The following CRYL1 variants were observed in gnomAD, a reference collection of about 807,000 sequenced individuals.
CRYL1 encodes the protein crystallin lambda 1.
A neutral mutation model predicts 36.6 loss-of-function variants in CRYL1; 29 were observed. The ratio of observed to expected loss-of-function variants is 0.79; its 90% CI spans 0.59 to 1.08. CRYL1 has a LOEUF of 1.08. Ranked by LOEUF, CRYL1 falls within the 50% of genes least tolerant of loss-of-function variation. The pLI, the probability that CRYL1 is intolerant of heterozygous loss-of-function variation, is 0.00. For missense variants in CRYL1, 411 were observed against 407.9 expected (o/e 1.01, Z -0.06); for synonymous variants, 152 against 151.5 (o/e 1.00, Z -0.02).
chr13:20,506,451 T>C (rs1350849706), intron 2 of CRYL1, among the ~76,000 whole-genome samples: 1 of 152,040 alleles, frequency 6.6e-6, no homozygotes, highest in Non-Finnish European at 1.5e-5. Flanking sequence ...AAAAGTTAAA[T>C]CTAATCAGGC....
chr13:20,450,318 C>T (rs1245159547), intron 3 of CRYL1, among the ~76,000 whole-genome samples: 1 of 152,008 alleles, frequency 6.6e-6, no homozygotes, highest in Non-Finnish European at 1.5e-5. Flanking sequence ...TCAACAAAGT[C>T]AACAAAAATA....
intron 5 of CRYL1, chr13:20,418,768 C>T (rs2137372994): frequency 1.3e-5 from 2 of 152,324 alleles, no homozygotes; most frequent in East Asian, 3.9e-4. Context: ...AACTTTACTA[C>T]TACTATCACC....
At chr13:20,417,512 T>C (rs897427005) in intron 5 of CRYL1, among the ~76,000 whole-genome samples, 1 of 152,222 alleles carries the variant, frequency 6.6e-6, no homozygotes, top group African/African-American at 2.4e-5. Context: ...GGTAAAATTC[T>C]CAAGTCACAC....
At chr13:20,474,587 AT>A (rs11322515) in intron 3 of CRYL1, among the ~76,000 whole-genome samples, 80,714 of 151,938 alleles carry the variant, frequency 0.53, 22,535 homozygotes, top group South Asian at 0.73. Context: ...CAAACCAAGT[AT>A]TTCAAGGGAC....
rs995181245 is a variant in CRYL1 at position 20,481,312 on chromosome 13, C to A, written c.276+8058G>T. On this transcript the variant is annotated intron_variant, in intron 3 of 7. Coordinates refer to ENST00000298248, the MANE Select transcript of CRYL1 (RefSeq NM_015974.3). This position sits in a 1 kb window ranked among gnomAD's most constrained non-coding sequence, Gnocchi z 4.1. The stretch of plus-strand genomic sequence containing the variant: ...CACAAGCCACGTCAAATTCATTTTA[C>A]TCTGTGAAAGAAACCAAACTCAAAA... Among the ~76,000 whole-genome samples, 5 of 152,198 alleles carry A rather than the reference C, an allele frequency of 3.3e-5. No homozygotes were observed. Among genetic ancestry groups the A allele is most frequent in the African/African-American group, 1.2e-4 (5 of 41,448 alleles).
rs57209647 is a variant in CRYL1, at chr13:20,466,682, C to CTGTG, written c.276+22684_276+22687dup. 7.1e-3 allele frequency among the ~76,000 whole-genome samples: 916 copies of CTGTG among 129,538 alleles called. 5 individuals carry two copies. The highest frequency in any genetic ancestry group is 0.013 in the African/African-American group (494 of 38,796). 85.0% of individuals were successfully genotyped at this position (129,538 alleles called of 152,430 possible). A position where few individuals can be genotyped will look rare whatever the true frequency, so the allele number is the denominator to read the frequency against. ...AACTGGTATATTACTTTGGAAAACT[C>CTGTG]TGTGTGTGTGTGTGTGTGTGTGTGT... On this transcript the variant is annotated intron_variant, in intron 3 of 7. Transcript: ENST00000298248.
chr13:20,454,659 T>A (rs1229491698), intron 3 of CRYL1, among the ~76,000 whole-genome samples: 1 of 152,076 alleles, frequency 6.6e-6, no homozygotes, highest in Non-Finnish European at 1.5e-5. Flanking sequence ...GACCTCATGA[T>A]CCACCCGCCT....
intron 5 of CRYL1, among the ~76,000 whole-genome samples, chr13:20,420,398 C>T (rs1274387897): frequency 6.6e-6 from 1 of 152,052 alleles, no homozygotes; most frequent in Non-Finnish European, 1.5e-5. Context: ...TACTCTCCCG[C>T]AGGCTGAGCC....
chr13:20,509,657 G>C (rs1398030640), intron 2 of CRYL1, among the ~76,000 whole-genome samples: 1 of 152,196 alleles, frequency 6.6e-6, no homozygotes, highest in East Asian at 1.9e-4. Context: ...GCCAGGCTTG[G>C]TGGCTCACAC....
intron 5 of CRYL1, among the ~76,000 whole-genome samples, chr13:20,424,911 TC>T (rs1293644598): frequency 1.3e-5 from 2 of 152,102 alleles, no homozygotes; most frequent in African/African-American, 4.8e-5. Context: ...GGTTCAGTTT[TC>T]AAGTAGGTAA....
chr13:20,414,673 T>C (rs984077818), intron 5 of CRYL1, among the ~76,000 whole-genome samples: 3 of 152,164 alleles, frequency 2.0e-5, no homozygotes, highest in Admixed American at 2.0e-4. Flanking sequence ...TCTTCTGCAA[T>C]GTAAATTGCA....
At chr13:20,499,244 G>T (rs919369893) in intron 2 of CRYL1, among the ~76,000 whole-genome samples, 37 of 151,954 alleles carry the variant, frequency 2.4e-4, no homozygotes, top group African/African-American at 8.9e-4. Flanking sequence ...TACTCTGGAG[G>T]CTGAGGTTAG....
chr13:20,525,656 G>C lies in CRYL1; in HGVS notation c.41+98C>G. Reference sequence around the variant, plus strand: ...AGGACCGGAGGCCGGGGCGGGGACAGCGACCCGGCGCCCACCCCGAGGGCC... The same window carrying C: ...AGGACCGGAGGCCGGGGCGGGGACACCGACCCGGCGCCCACCCCGAGGGCC... On this transcript the variant is annotated intron_variant, in intron 1 of 7. Coordinates refer to ENST00000298248, the MANE Select transcript of CRYL1 (RefSeq NM_015974.3). This position sits in a 1 kb window ranked among gnomAD's most constrained non-coding sequence, Gnocchi z 4.3. 1 of 1,027,582 alleles carries C rather than the reference G, an allele frequency of 9.7e-7. No individual in the cohort carries two copies. Among genetic ancestry groups the C allele is most frequent in the Non-Finnish European group, 1.3e-6 (1 of 794,904 alleles). 63.7% of individuals were successfully genotyped at this position (1,027,582 alleles called of 1,614,324 possible). A position where few individuals can be genotyped will look rare whatever the true frequency, so the allele number is the denominator to read the frequency against.
intron 3 of CRYL1, among the ~76,000 whole-genome samples, chr13:20,449,515 C>A (rs1030459387): frequency 1.3e-5 from 2 of 151,906 alleles, no homozygotes; most frequent in African/African-American, 2.4e-5. Context: ...ACAGCTGCTA[C>A]ATTTTTAGCC....
At chr13:20,483,775 A>C (rs956225689) in intron 3 of CRYL1, among the ~76,000 whole-genome samples, 2 of 151,996 alleles carry the variant, frequency 1.3e-5, no homozygotes, top group East Asian at 3.9e-4. Context: ...TCCTGAGCTC[A>C]AGTAATCCAC....
intron 3 of CRYL1, among the ~76,000 whole-genome samples, chr13:20,474,841 G>A (rs2137451664): frequency 6.6e-6 from 1 of 152,222 alleles, no homozygotes; most frequent in South Asian, 2.1e-4. Context: ...TTTCAGTAAA[G>A]GGAAGGAGAC....
intron 6 of CRYL1, among the ~76,000 whole-genome samples, chr13:20,405,608 T>C (rs1446524038): frequency 6.6e-6 from 1 of 152,196 alleles, no homozygotes; most frequent in Non-Finnish European, 1.5e-5. Flanking sequence ...GGCTTGTACC[T>C]TGCTGGTTTG....
At chr13:20,409,090 C>T (rs931341253) in intron 6 of CRYL1, among the ~76,000 whole-genome samples, 1 of 152,146 alleles carries the variant, frequency 6.6e-6, no homozygotes, top group Non-Finnish European at 1.5e-5. Flanking sequence ...CACTACCTGA[C>T]TTCAAGCTAT....
At chr13:20,495,121 T>G (rs1039076651) in intron 2 of CRYL1, among the ~76,000 whole-genome samples, 2 of 152,122 alleles carry the variant, frequency 1.3e-5, no homozygotes, top group South Asian at 2.1e-4. Flanking sequence ...TTAATTCCAA[T>G]TTTTTTTATT....
Sources: allele counts gnomAD v4.1 joint callset (sites outside exome capture counted in the v4.1 genomes callset), GRCh38; gene constraint gnomAD v4.1.1; non-coding constraint Gnocchi (gnomAD v3.1); transcripts MANE v1.5; gene names NCBI Gene and HGNC (gene_info 2026-07-23, HGNC 2026-07-21).